The following LRRC37A2 variants were observed in gnomAD, a reference collection of about 807,000 sequenced individuals.
LRRC37A2 encodes the protein leucine-rich repeat-containing protein 37A2.
In LRRC37A2, 9 loss-of-function variants were observed where a neutral mutation model predicts 68.8. That is an observed-to-expected ratio of 0.13 (90% CI 0.08 to 0.23). The LOEUF (loss-of-function observed/expected upper bound fraction) is 0.23. Among genes scored for constraint, LRRC37A2 ranks in the 10% least tolerant of loss-of-function variants. LRRC37A2 has a pLI of 1.00. For missense variants in LRRC37A2, 168 were observed against 950.4 expected (o/e 0.18, Z 10.82); for synonymous variants, 63 against 367.6 (o/e 0.17, Z 9.48).
the LRRC37A2 span, chr17:46,773,624 C>CA: frequency 1.8e-5 from 7 of 387,254 alleles, no homozygotes; most frequent in South Asian, 5.7e-5. Context: ...CCTGATCCCT[C>CA]CCCCCACCCA....
the LRRC37A2 span, among the ~76,000 whole-genome samples, chr17:47,037,242 G>T: frequency 6.6e-5 from 10 of 152,056 alleles, no homozygotes; most frequent in East Asian, 1.6e-3. Context: ...GTAAGCCGAG[G>T]TCACGCCATT....
the LRRC37A2 span, among the ~76,000 whole-genome samples, chr17:46,731,135 A>G: frequency 6.6e-6 from 1 of 152,178 alleles, no homozygotes; most frequent in African/African-American, 2.4e-5. Context: ...TAGTATATCC[A>G]TATAATGGAA....
chr17:47,033,674 A>G, the LRRC37A2 span, among the ~76,000 whole-genome samples: 1 of 152,238 alleles, frequency 6.6e-6, no homozygotes, highest in Non-Finnish European at 1.5e-5. Flanking sequence ...CAGTTAATAG[A>G]AAGGAAACAT....
the LRRC37A2 span, among the ~76,000 whole-genome samples, chr17:46,899,915 TTCAG>T: frequency 6.6e-6 from 1 of 151,774 alleles, no homozygotes; most frequent in Non-Finnish European, 1.5e-5. Flanking sequence ...GCACAGACTC[TTCAG>T]TCAAACTATA....
the LRRC37A2 span, among the ~76,000 whole-genome samples, chr17:47,000,085 A>T: frequency 1.6e-3 from 12 of 7,566 alleles, no homozygotes; most frequent in African/African-American, 2.9e-3. Context: ...AAAAAATAAA[A>T]TAAAATAAAA....
chr17:46,786,019 T>C, the LRRC37A2 span, among the ~76,000 whole-genome samples: 1 of 152,162 alleles, frequency 6.6e-6, no homozygotes, highest in Non-Finnish European at 1.5e-5. Flanking sequence ...CTGTTTTTTG[T>C]TGTGTTGTGA....
At chr17:46,749,015 T>G in the LRRC37A2 span, among the ~76,000 whole-genome samples, 4 of 152,182 alleles carry the variant, frequency 2.6e-5, no homozygotes, top group Non-Finnish European at 4.4e-5. Flanking sequence ...AGGGGGGTAG[T>G]GCAAAATTAA....
At chr17:46,499,340 G>GGGC in the LRRC37A2 span, among the ~76,000 whole-genome samples, 11 of 140,532 alleles carry the variant, frequency 7.8e-5, no homozygotes, top group Non-Finnish European at 9.2e-5. Context: ...AAAAAAGGTG[G>GGGC]GGGGACAATG....
the LRRC37A2 span, among the ~76,000 whole-genome samples, chr17:47,022,324 C>T: frequency 2.5e-4 from 37 of 147,588 alleles, no homozygotes; most frequent in South Asian, 7.5e-3. Context: ...GTGCATGCCA[C>T]CACACCCACC....
At chr17:46,754,133 T>G in the LRRC37A2 span, among the ~76,000 whole-genome samples, 2 of 148,038 alleles carry the variant, frequency 1.4e-5, no homozygotes, top group South Asian at 4.3e-4. Context: ...CAACTACAAC[T>G]GCGCTCCAGC....
the LRRC37A2 span, among the ~76,000 whole-genome samples, chr17:46,779,101 A>ACCCC: frequency 1.9e-3 from 273 of 140,058 alleles, 5 homozygotes; most frequent in East Asian, 0.019. Flanking sequence ...ACACACACAC[A>ACCCC]CACCCCAGCC....
At chr17:46,883,957 C>T in the LRRC37A2 span, among the ~76,000 whole-genome samples, 4 of 152,164 alleles carry the variant, frequency 2.6e-5, no homozygotes, top group Non-Finnish European at 4.4e-5. Flanking sequence ...AGTGTGTTTA[C>T]GCTGGAGCCG....
the LRRC37A2 span, among the ~76,000 whole-genome samples, chr17:46,850,067 C>T: frequency 6.6e-6 from 1 of 152,172 alleles, no homozygotes; most frequent in African/African-American, 2.4e-5. Context: ...CCAGGCTGGT[C>T]TCGAATTCCT....
At chr17:46,803,208 A>C in the LRRC37A2 span, among the ~76,000 whole-genome samples, 1 of 152,264 alleles carries the variant, frequency 6.6e-6, no homozygotes, top group Admixed American at 6.5e-5. Flanking sequence ...GAGGAAAGAC[A>C]GTTTACGTCT....
At chr17:46,856,511 G>A in the LRRC37A2 span, among the ~76,000 whole-genome samples, 3 of 148,186 alleles carry the variant, frequency 2.0e-5, no homozygotes, top group Non-Finnish European at 4.4e-5. Flanking sequence ...TTGAGATGGA[G>A]TCTCACTATG....
At chr17:46,761,362 C>T in the LRRC37A2 span, among the ~76,000 whole-genome samples, 75 of 146,582 alleles carry the variant, frequency 5.1e-4, no homozygotes, top group African/African-American at 1.8e-3. Context: ...GATGGAGTCT[C>T]GCCTTGTCAC....
intron 11 of LRRC37A2, among the ~76,000 whole-genome samples, chr17:46,551,251 G>A (rs2056782699): frequency 6.7e-6 from 1 of 149,306 alleles, no homozygotes; most frequent in South Asian, 2.1e-4. Context: ...TGTTTACAGT[G>A]CCCATTCCTG....
the LRRC37A2 span, among the ~76,000 whole-genome samples, chr17:46,984,419 T>A: frequency 6.6e-6 from 1 of 152,306 alleles, no homozygotes; most frequent in East Asian, 1.9e-4. Context: ...GTCAACTGGC[T>A]GCCTCCCCCT....
the LRRC37A2 span, among the ~76,000 whole-genome samples, chr17:46,687,615 C>G: frequency 0.12 from 18,449 of 149,808 alleles, 1 homozygote; most frequent in Non-Finnish European, 0.19. Context: ...TTGTTTCTCA[C>G]TGACCTTCCA....
Sources: gnomAD v4.1 joint callset for allele counts (sites outside exome capture counted in the v4.1 genomes callset) on GRCh38, gnomAD v4.1.1 for gene constraint, MANE v1.5 for transcripts, NCBI Gene and HGNC (gene_info 2026-07-23, HGNC 2026-07-21) for gene names.